The following SLC10A6 variants were observed in gnomAD, a reference collection of about 807,000 sequenced individuals.
The protein encoded by SLC10A6 is solute carrier family 10 member 6, also known as sodium-dependent organic anion transporter.
Under a neutral mutation model 30.0 loss-of-function variants are expected in SLC10A6, and 27 were observed. That is an observed-to-expected ratio of 0.90 (90% CI 0.66 to 1.24). The LOEUF (loss-of-function observed/expected upper bound fraction) is 1.24, where lower values mean the gene tolerates loss of function less well. Among genes scored for constraint, SLC10A6 ranks in the 50% most tolerant of loss-of-function variants. SLC10A6 has a pLI of 0.00. For missense variants in SLC10A6, 439 were observed against 457.0 expected, an observed-to-expected ratio of 0.96 and a Z score of 0.36; for synonymous variants, 166 against 173.8, an observed-to-expected ratio of 0.95 and a Z score of 0.36.
chr4:86,843,743 G>T (rs541826947), intron 1 of SLC10A6, among the ~76,000 whole-genome samples: 1 of 152,124 alleles, frequency 6.6e-6, no homozygotes, highest in East Asian at 1.9e-4. Context: ...CCCAGGACAC[G>T]ATGTTCTTTT....
At chr4:86,847,937 T>G (rs1366300721) in intron 1 of SLC10A6, among the ~76,000 whole-genome samples, 1 of 152,194 alleles carries the variant, frequency 6.6e-6, no homozygotes, top group Non-Finnish European at 1.5e-5. Context: ...ATCCCTCTAC[T>G]CTTTCCTCAA....
chr4:86,843,685 G>C, intron 1 of SLC10A6, among the ~76,000 whole-genome samples: 1 of 152,106 alleles, frequency 6.6e-6, no homozygotes, highest in East Asian at 1.9e-4. Context: ...ATTATATACA[G>C]GGTTAGGGTT....
At chr4:86,848,092 T>A (rs1746422799) in intron 1 of SLC10A6, among the ~76,000 whole-genome samples, 1 of 152,090 alleles carries the variant, frequency 6.6e-6, no homozygotes, top group Non-Finnish European at 1.5e-5. Context: ...GTCACTGGCT[T>A]AAAGGGAAGG....
At chr4:86,833,174 T>C (rs879361449) in intron 2 of SLC10A6, 132 bp downstream of exon 2, 6 of 641,492 alleles carry the variant, frequency 9.4e-6, no homozygotes, top group Non-Finnish European at 1.6e-5. Context: ...ATCTATACTG[T>C]AGGGTTCTTT....
At chr4:86,838,044 G>A (rs1001491115) in intron 1 of SLC10A6, among the ~76,000 whole-genome samples, 4 of 152,106 alleles carry the variant, frequency 2.6e-5, no homozygotes, top group East Asian at 3.8e-4. Flanking sequence ...AAAATAATAC[G>A]TCTATGACTA....
intron 1 of SLC10A6, chr4:86,837,649 T>C (rs1327735018): frequency 1.0e-6 from 1 of 985,090 alleles, no homozygotes; most frequent in Non-Finnish European, 1.2e-6. Flanking sequence ...GTTAAGGCTG[T>C]ATTTTGTACC....
Position 86,825,569 on chromosome 4 carries a change from G to T in SLC10A6, c.770C>A (p.Thr257Lys). 6.3e-7 allele frequency: 1 copy of T among 1,584,644 alleles called. No individual in the cohort carries two copies. The highest frequency in any genetic ancestry group is 1.1e-5 in the South Asian group (1 of 89,394). The change falls in exon 5 of 6, where the codon ACA becomes AAA. Residue 257 changes from threonine to lysine, a missense_variant. By Grantham distance (78) the Thr-to-Lys change is moderately conservative. Coordinates refer to ENST00000273905, the MANE Select transcript of SLC10A6 (RefSeq NM_197965.3). ...FTHQSWQRCR[T>K]ISLETGAQNI... ...CTGAGCTCCAGTTTCTAAGGAAATT[G>T]TCCTGCACCTACCAAAAAGAAAATG...
chr4:86,835,421 CT>C (rs1746163298), intron 1 of SLC10A6, among the ~76,000 whole-genome samples: 1 of 152,204 alleles, frequency 6.6e-6, no homozygotes. Flanking sequence ...AATCCCAGCA[CT>C]TTGGGAGGCC....
intron 1 of SLC10A6, among the ~76,000 whole-genome samples, chr4:86,846,174 ATT>A (rs1746387147): frequency 6.6e-6 from 1 of 152,200 alleles, no homozygotes; most frequent in South Asian, 2.1e-4. Context: ...TTACTTAGAT[ATT>A]GTTTCACACC....
At chr4:86,834,154 G>A (rs536870888) in intron 1 of SLC10A6, among the ~76,000 whole-genome samples, 97 of 152,250 alleles carry the variant, frequency 6.4e-4, no homozygotes, top group African/African-American at 2.2e-3. Context: ...TGCCATTCTC[G>A]TGGGATTCAC....
chr4:86,833,273 T>A, intron 2 of SLC10A6, 33 bp downstream of exon 2: 1 of 1,471,042 alleles, frequency 6.8e-7, no homozygotes. Flanking sequence ...TCACCATTAC[T>A]GTTAGTCCTC....
At chr4:86,842,786 T>TTTTCTTTCTCTCTTTC (rs1746313085) in intron 1 of SLC10A6, among the ~76,000 whole-genome samples, 1 of 106,696 alleles carries the variant, frequency 9.4e-6, no homozygotes, top group Admixed American at 1.0e-4. Flanking sequence ...TGGACACCTC[T>TTTTCTTTCTCTCTTTC]TTTCTTTCTT....
Position 86,849,122 on chromosome 4 carries a change from A to C in SLC10A6, c.-7T>G. On this transcript the variant is annotated 5_prime_UTR_variant, in exon 1 of 6. It removes an upstream start codon present in the reference 5' UTR. Coordinates refer to ENST00000273905, the MANE Select transcript of SLC10A6 (RefSeq NM_197965.3). ...TGGAACAATTGGCTCTCATCTCCTC[A>C]TCTCCTTAAGGCAGCATTACAAATG... 1 of 1,609,534 alleles carries C rather than the reference A, an allele frequency of 6.2e-7. No individual in the cohort carries two copies. The highest frequency in any genetic ancestry group is 8.5e-7 in the Non-Finnish European group (1 of 1,177,886).
In SLC10A6 at chr4:86,825,966, A is replaced by G. The variant is rs76932245; in HGVS notation, c.762-389T>C. On this transcript the variant is annotated intron_variant, in intron 4 of 5. Transcript: ENST00000273905. The stretch of plus-strand genomic sequence containing the variant: ...TAGAAGAAGCTTTTGATGAGGGGGA[A>G]ATATTATAAAAATTAAAGTTCCAGG... 8.5e-4 allele frequency among the ~76,000 whole-genome samples: 129 copies of G among 152,314 alleles called. 2 individuals are homozygous for G. In the East Asian group the frequency reaches 0.021, roughly 25 times the overall value.
chr4:86,843,885 A>G (rs918701649), intron 1 of SLC10A6, among the ~76,000 whole-genome samples: 2 of 152,170 alleles, frequency 1.3e-5, no homozygotes, highest in Non-Finnish European at 2.9e-5. Context: ...TCATTTTAGA[A>G]GTGAGGAAAC....
chr4:86,829,999 T>C (rs1021040454), intron 3 of SLC10A6, among the ~76,000 whole-genome samples: 3 of 152,218 alleles, frequency 2.0e-5, no homozygotes, highest in African/African-American at 7.2e-5. Context: ...ATAGAGTACT[T>C]GAAAAGCAAG....
chr4:86,836,228 C>T (rs1305067407), intron 1 of SLC10A6, among the ~76,000 whole-genome samples: 2 of 152,184 alleles, frequency 1.3e-5, no homozygotes, highest in Non-Finnish European at 2.9e-5. Context: ...AAGGCTAACA[C>T]ATTTTAAGCG....
chr4:86,842,854 CT>C (rs1560461899), intron 1 of SLC10A6, among the ~76,000 whole-genome samples: 1 of 32,542 alleles, frequency 3.1e-5, no homozygotes, highest in Non-Finnish European at 5.4e-5. Context: ...TTCTTTCTTT[CT>C]TTCTTTCTTT....
rs56719771 is a variant in SLC10A6 at position 86,848,647 on chromosome 4, A to G, written c.377+92T>C. Reference sequence around the variant, plus strand: ...ACATTTCCCACTAGAATCTCTACCAAAAGATTAGAAGAGTGTTTAACACAA... The same window carrying G: ...ACATTTCCCACTAGAATCTCTACCAGAAGATTAGAAGAGTGTTTAACACAA... On this transcript the variant is annotated intron_variant, in intron 1 of 5. Transcript: ENST00000273905. 2,598 of 1,424,174 alleles carry G rather than the reference A, an allele frequency of 1.8e-3. 45 individuals carry two copies. In the African/African-American group the frequency reaches 0.034, roughly 18 times the overall value. The allele number at this position is 1,424,174 out of a possible 1,614,324, so 88.2% of individuals were successfully genotyped here.
Sources: gnomAD v4.1 joint callset for allele counts (sites outside exome capture counted in the v4.1 genomes callset) on GRCh38, gnomAD v4.1.1 for gene constraint, MANE v1.5 for transcripts, NCBI Gene and HGNC (gene_info 2026-07-23, HGNC 2026-07-21) for gene names.